The following NALCN variants were observed in gnomAD, a reference collection of about 807,000 sequenced individuals.
NALCN encodes the protein sodium leak channel, non-selective.
In NALCN, 111 loss-of-function variants were observed where a neutral mutation model predicts 225.3. The ratio of observed to expected loss-of-function variants is 0.49; its 90% confidence interval spans 0.42 to 0.58. The LOEUF (loss-of-function observed/expected upper bound fraction) is 0.58. Ranked by LOEUF, NALCN falls within the 20% of genes least tolerant of loss-of-function variation. The probability of loss-of-function intolerance (pLI) is 0.00; values close to 1 mark genes in which losing one functional copy is unlikely to be tolerated. For synonymous variants in NALCN, 764 were observed against 769.0 expected (o/e 0.99, Z 0.11); for missense variants, 1,378 against 2,202.4 (o/e 0.63, Z 7.49).
intron 14 of NALCN, among the ~76,000 whole-genome samples, chr13:101,187,948 T>C (rs1021872136): frequency 2.0e-5 from 3 of 152,176 alleles, no homozygotes; most frequent in Non-Finnish European, 4.4e-5. Flanking sequence ...TCACAGGTTG[T>C]ATAATACAGG....
intron 11 of NALCN, among the ~76,000 whole-genome samples, chr13:101,253,027 T>C (rs920017935): frequency 2.6e-5 from 4 of 151,934 alleles, no homozygotes; most frequent in Non-Finnish European, 5.9e-5. Flanking sequence ...AAGAAAATAA[T>C]ATATATTTTA....
At chr13:101,126,496 A>ATT (rs35175845) in intron 17 of NALCN, among the ~76,000 whole-genome samples, 18,145 of 144,670 alleles carry the variant, frequency 0.13, 1,392 homozygotes, top group East Asian at 0.4. Context: ...TTTTGGCATA[A>ATT]TTTTTTTTTT....
In NALCN at chr13:101,366,540, G is replaced by A. The variant is rs899728758; in HGVS notation, c.644+10160C>T. On this transcript the variant is annotated intron_variant, in intron 6 of 43. Coordinates refer to ENST00000251127, the MANE Select transcript of NALCN (RefSeq NM_052867.4). Reference sequence around the variant, plus strand: ...CTCTTAAATGATTAAGAGAAATGAGGTCACGGCAGTAGCTGGTAACACTGA... The same window carrying A: ...CTCTTAAATGATTAAGAGAAATGAGATCACGGCAGTAGCTGGTAACACTGA... Among the ~76,000 whole-genome samples the A allele has an allele frequency of 3.3e-5, 5 of 152,166 alleles. No individual in the cohort carries two copies. The South Asian group carries it at 1.0e-3, about 32-fold the overall frequency.
chr13:101,142,716 GTAA>G (rs2037147691), intron 17 of NALCN: 1 of 262,588 alleles, frequency 3.8e-6, no homozygotes, highest in Non-Finnish European at 7.5e-6. Flanking sequence ...CCTCTCTGAT[GTAA>G]TAAGTAGACA....
rs1332937782 is a variant in NALCN at position 101,211,425 on chromosome 13, T to C, written c.1626+17968A>G. On this transcript the variant is annotated intron_variant, in intron 13 of 43. Transcript: ENST00000251127. ...TTGCAGTTCAGTGGACCAATGATAT[T>C]AATATACAACAGCAGGAAAAGATGG... is the stretch of plus-strand genomic sequence containing the variant. Among the ~76,000 whole-genome samples the C allele has an allele frequency of 2.6e-5, 4 of 152,044 alleles. No homozygotes were observed. The East Asian group carries it at 7.7e-4, about 29-fold the overall frequency.
At chr13:101,158,766 T>TA (rs1555301744) in intron 15 of NALCN, among the ~76,000 whole-genome samples, 209 of 152,302 alleles carry the variant, frequency 1.4e-3, no homozygotes, top group Non-Finnish European at 2.4e-3. Flanking sequence ...TACTCCTCAC[T>TA]CCTACAAGTG....
upstream of NALCN, among the ~76,000 whole-genome samples, chr13:101,417,126 A>G (rs925932246): frequency 2.6e-5 from 4 of 152,170 alleles, no homozygotes; most frequent in Admixed American, 1.3e-4. Context: ...CCTGGACAGC[A>G]GACTGCATCT....
At chr13:101,090,161 C>A (rs768671203) in intron 28 of NALCN, among the ~76,000 whole-genome samples, 195 bp from the exon 29 acceptor site, 1 of 152,106 alleles carries the variant, frequency 6.6e-6, no homozygotes, top group African/African-American at 2.4e-5. Flanking sequence ...CATTTTTACG[C>A]TATATGGCAT....
chr13:101,172,534 T>C (rs1349850921), intron 15 of NALCN, among the ~76,000 whole-genome samples: 1 of 152,142 alleles, frequency 6.6e-6, no homozygotes, highest in African/African-American at 2.4e-5. Context: ...TGAGCCCTAC[T>C]GAGTGTTGCA....
chr13:101,142,572 T>C (rs2037141009), intron 17 of NALCN, among the ~76,000 whole-genome samples: 1 of 152,186 alleles, frequency 6.6e-6, no homozygotes, highest in South Asian at 2.1e-4. Flanking sequence ...AATTTTCCCT[T>C]CTACTTTTCA....
intron 17 of NALCN, among the ~76,000 whole-genome samples, chr13:101,141,633 G>C (rs942801752): frequency 6.6e-6 from 1 of 151,530 alleles, no homozygotes; most frequent in Non-Finnish European, 1.5e-5. Context: ...GAAAGAGGAG[G>C]AGAAAAGGGG....
At chr13:101,056,364 G>A (rs947931444) in intron 43 of NALCN, among the ~76,000 whole-genome samples, 7 of 142,514 alleles carry the variant, frequency 4.9e-5, no homozygotes, top group Admixed American at 1.5e-4. Context: ...AGGCTCAAGT[G>A]ATTCTCCTGC....
chr13:101,236,530 T>C (rs1179038772), intron 12 of NALCN, among the ~76,000 whole-genome samples: 1 of 151,954 alleles, frequency 6.6e-6, no homozygotes, highest in East Asian at 1.9e-4. Context: ...CCAACAATGA[T>C]AGACTGGATT....
chr13:101,363,576 T>C (rs2046306117), intron 6 of NALCN, among the ~76,000 whole-genome samples: 1 of 151,924 alleles, frequency 6.6e-6, no homozygotes, highest in South Asian at 2.1e-4. Context: ...CATATAAAAA[T>C]CAAATAATAA....
At chr13:101,385,971 A>AT (rs756842443) in intron 3 of NALCN, among the ~76,000 whole-genome samples, 19 of 151,338 alleles carry the variant, frequency 1.3e-4, no homozygotes, top group African/African-American at 2.9e-4. Context: ...AAGTGATGCC[A>AT]TTTTTTTTTA....
chr13:101,337,390 C>T (rs571411744), intron 7 of NALCN, among the ~76,000 whole-genome samples: 1 of 151,846 alleles, frequency 6.6e-6, no homozygotes, highest in Non-Finnish European at 1.5e-5. Flanking sequence ...CTTACTGTAA[C>T]CTCTGCCTCC....
intron 15 of NALCN, among the ~76,000 whole-genome samples, chr13:101,173,852 G>A (rs966555081): frequency 6.6e-6 from 1 of 152,104 alleles, no homozygotes; most frequent in African/African-American, 2.4e-5. Context: ...CAATTTCATT[G>A]TTTTTTAAAA....
At chr13:101,388,974 G>A (rs1241642171) in intron 3 of NALCN, among the ~76,000 whole-genome samples, 2 of 152,192 alleles carry the variant, frequency 1.3e-5, no homozygotes, top group Non-Finnish European at 2.9e-5. Context: ...CACAGAATGT[G>A]AGCTAGGGCC....
At chr13:101,259,175 C>T (rs1046118513) in intron 10 of NALCN, among the ~76,000 whole-genome samples, 34 of 152,116 alleles carry the variant, frequency 2.2e-4, no homozygotes, top group African/African-American at 6.7e-4. Flanking sequence ...GGAACCTATT[C>T]TAATAAGGAA....
Sources: allele counts gnomAD v4.1 joint callset (sites outside exome capture counted in the v4.1 genomes callset), GRCh38; gene constraint gnomAD v4.1.1; transcripts MANE v1.5; gene names NCBI Gene and HGNC (gene_info 2026-07-23, HGNC 2026-07-21).